The following TMX4 variants were observed in gnomAD, a reference collection of about 807,000 sequenced individuals.
TMX4 encodes the protein thioredoxin related transmembrane protein 4, also known as thioredoxin-related transmembrane protein 4.
Under a neutral mutation model 33.3 loss-of-function variants are expected in TMX4, and 23 were observed. The observed-to-expected ratio is 0.69, with a 90% confidence interval of 0.50 to 0.98. TMX4 has a LOEUF of 0.98. TMX4 is among the 50% of genes least tolerant of loss of function. The pLI, the probability that TMX4 is intolerant of heterozygous loss-of-function variation, is 0.00. For missense variants in TMX4, 399 were observed against 448.9 expected (o/e 0.89, Z 1.01); for synonymous variants, 164 against 161.5 (o/e 1.02, Z -0.12).
At chr20:8,007,204 T>C (rs1399715013) in intron 2 of TMX4, among the ~76,000 whole-genome samples, 1 of 152,230 alleles carries the variant, frequency 6.6e-6, no homozygotes, top group Non-Finnish European at 1.5e-5. Context: ...CTCTAGTTCA[T>C]CTCTATTTGG....
intron 4 of TMX4, among the ~76,000 whole-genome samples, chr20:7,997,507 T>TA (rs1162887988): frequency 2.3e-3 from 330 of 143,540 alleles, no homozygotes; most frequent in South Asian, 1.4e-3. Flanking sequence ...TTTCCTTATT[T>TA]AAAAAAAAAA....
chr20:7,995,654 GA>G (rs939322229), intron 5 of TMX4, among the ~76,000 whole-genome samples: 46 of 152,270 alleles, frequency 3.0e-4, no homozygotes, highest in African/African-American at 1.1e-3. Context: ...CCACAGGCTA[GA>G]GTTTGTTAAT....
chr20:7,987,234 T>A (rs1165889564), intron 6 of TMX4, 54 bp downstream of exon 6: 4 of 1,218,076 alleles, frequency 3.3e-6, no homozygotes, highest in Non-Finnish European at 4.7e-6. Context: ...CTTTTATTTG[T>A]ACATGAAATT....
intron 1 of TMX4, among the ~76,000 whole-genome samples, chr20:8,011,124 T>C (rs1032283411): frequency 2.0e-5 from 3 of 152,220 alleles, no homozygotes; most frequent in South Asian, 2.1e-4. Context: ...TAGAGAAATA[T>C]ACCAACTTGT....
chr20:8,011,663 C>A (rs981831545), intron 1 of TMX4, among the ~76,000 whole-genome samples: 2 of 151,934 alleles, frequency 1.3e-5, no homozygotes, highest in Non-Finnish European at 2.9e-5. Flanking sequence ...TAGGCAGAAC[C>A]CAGAAGAGAA....
At position 7,981,057 on chromosome 20, in the gene TMX4, T is replaced by C. The variant is rs1324207884; in HGVS notation, c.*1194A>G. ...AAGAGAGAAGTAGATGGATAGATTT[T>C]TTTTTTTTAAGGAAATTAGCCTCCC... On this transcript the variant is annotated 3_prime_UTR_variant, in exon 8 of 8. Transcript: ENST00000246024. The C allele has an allele frequency of 6.6e-6, 1 of 152,074 alleles. No homozygotes were observed. The highest frequency in any genetic ancestry group is 1.5e-5 in the Non-Finnish European group (1 of 68,024). 9.4% of individuals were successfully genotyped at this position (152,074 alleles called of 1,614,324 possible).
At chr20:8,009,790 C>A (rs1600147236) in intron 2 of TMX4, among the ~76,000 whole-genome samples, 1 of 141,220 alleles carries the variant, frequency 7.1e-6, no homozygotes, top group African/African-American at 2.7e-5. Context: ...TTGTTGATTG[C>A]AAGAGACTAA....
In TMX4 at chr20:8,001,683, CA is replaced by C. The variant is rs1279696351; in HGVS notation, c.293-143del. 3 of 791,812 alleles carry C rather than the reference CA, an allele frequency of 3.8e-6. No individual in the cohort carries two copies. The African/African-American group carries it at 5.3e-5, about 14-fold the overall frequency. The allele number at this position is 791,812 out of a possible 1,614,324, so 49.0% of individuals were successfully genotyped here. A position where few individuals can be genotyped will look rare whatever the true frequency, so the allele number is the denominator to read the frequency against. ...TATTTTTTTTGACTTACAGAAATTT[CA>C]TTTCTACCTATTTTTATTACCTAAC... On this transcript the variant is annotated intron_variant, in intron 2 of 7. Coordinates refer to ENST00000246024, the MANE Select transcript of TMX4 (RefSeq NM_021156.4).
intron 5 of TMX4, among the ~76,000 whole-genome samples, chr20:7,990,826 A>G (rs1019732961): frequency 3.9e-5 from 6 of 152,246 alleles, no homozygotes; most frequent in African/African-American, 1.4e-4. Context: ...AGACTCTTCA[A>G]TGATGGCCAA....
intron 2 of TMX4, 99 bp downstream of exon 2, chr20:8,010,100 TA>T: frequency 1.1e-6 from 1 of 909,610 alleles, no homozygotes; most frequent in Non-Finnish European, 1.7e-6. Context: ...AGTTCATGGG[TA>T]ATCAATATCC....
At chr20:7,985,257 G>GTATATATA (rs200269653) in intron 6 of TMX4, among the ~76,000 whole-genome samples, 4 of 130,820 alleles carry the variant, frequency 3.1e-5, no homozygotes, top group African/African-American at 1.1e-4. Flanking sequence ...GTGTGTGTGT[G>GTATATATA]TATATATATA....
chr20:7,988,960 G>A (rs2050642406), intron 5 of TMX4, among the ~76,000 whole-genome samples: 1 of 151,812 alleles, frequency 6.6e-6, no homozygotes, highest in Non-Finnish European at 1.5e-5. Context: ...GAGGCAGAGG[G>A]AGTGGGCTGA....
At chr20:8,014,889 C>T (rs1296669319) in intron 1 of TMX4, among the ~76,000 whole-genome samples, 1 of 152,216 alleles carries the variant, frequency 6.6e-6, no homozygotes, top group Admixed American at 6.5e-5. Context: ...TGCCTTCCTC[C>T]AGGCTCCCCA....
At chr20:8,012,454 G>T (rs921402151) in intron 1 of TMX4, among the ~76,000 whole-genome samples, 2 of 152,070 alleles carry the variant, frequency 1.3e-5, no homozygotes. Context: ...GACAAAGCAG[G>T]TATAGAGATG....
At chr20:8,010,019 A>T (rs749893059) in intron 2 of TMX4, among the ~76,000 whole-genome samples, 181 bp downstream of exon 2, 20 of 152,150 alleles carry the variant, frequency 1.3e-4, no homozygotes, top group Non-Finnish European at 2.5e-4. Context: ...GCAAATATGT[A>T]TGTGCAAACA....
chr20:8,001,475 TAGA>T lies in TMX4; in HGVS notation c.338+18_338+20del, dbSNP rs1299709294. ...TATTGATTTCTAATATTTGCAAGAT[TAGA>T]AGATTATTTAAACTTACTGAAAAAA... On this transcript the variant is annotated intron_variant, in intron 3 of 7. Transcript: ENST00000246024. The T allele has an allele frequency of 1.3e-6, 2 of 1,579,894 alleles. No individual in the cohort carries two copies. Among genetic ancestry groups the T allele is most frequent in the African/African-American group, 1.4e-5 (1 of 73,874 alleles).
intron 1 of TMX4, among the ~76,000 whole-genome samples, chr20:8,013,201 T>C (rs542913668): frequency 3.6e-4 from 55 of 152,250 alleles, no homozygotes; most frequent in African/African-American, 1.3e-3. Flanking sequence ...TCAGAAATAA[T>C]TGAACATGAT....
intron 1 of TMX4, chr20:8,013,720 A>G (rs1256812630): frequency 6.6e-6 from 1 of 152,240 alleles, no homozygotes; most frequent in Non-Finnish European, 1.5e-5. Context: ...ACTTACTTAT[A>G]TTTATTTCCT....
intron 2 of TMX4, among the ~76,000 whole-genome samples, chr20:8,005,540 A>G (rs959167826): frequency 6.6e-6 from 1 of 152,194 alleles, no homozygotes; most frequent in Admixed American, 6.5e-5. Context: ...AGGCGAGGAC[A>G]GGCATTTCTG....
Sources: gnomAD v4.1 joint callset for allele counts (sites outside exome capture counted in the v4.1 genomes callset) on GRCh38, gnomAD v4.1.1 for gene constraint, MANE v1.5 for transcripts, NCBI Gene and HGNC (gene_info 2026-07-23, HGNC 2026-07-21) for gene names.